The following DCLK1 variants were observed in gnomAD, a reference collection of about 807,000 sequenced individuals.
The protein encoded by DCLK1 is serine/threonine-protein kinase DCLK1.
DCLK1 carries 16 observed loss-of-function variants against 86.2 expected under a neutral mutation model. The ratio of observed to expected loss-of-function variants is 0.19; its 90% CI spans 0.13 to 0.28. DCLK1 has a LOEUF of 0.28. DCLK1 is among the 10% of genes least tolerant of loss of function. The pLI, the probability that DCLK1 is intolerant of heterozygous loss-of-function variation, is 1.00. For synonymous variants in DCLK1, 369 were observed against 370.5 expected, an observed-to-expected ratio of 1.00 and a Z score of 0.05; for missense variants, 590 against 940.2, an observed-to-expected ratio of 0.63 and a Z score of 4.87.
intron 4 of DCLK1, among the ~76,000 whole-genome samples, chr13:35,933,006 A>G (rs1369591770): frequency 6.6e-6 from 1 of 152,200 alleles, no homozygotes; most frequent in Non-Finnish European, 1.5e-5. Flanking sequence ...TCCTAGATAC[A>G]ATGGGGGTAC....
intron 4 of DCLK1, among the ~76,000 whole-genome samples, chr13:35,895,700 T>A (rs761895924): frequency 6.6e-6 from 1 of 151,978 alleles, no homozygotes; most frequent in Admixed American, 6.6e-5. Flanking sequence ...AAACTAACCA[T>A]TTTACAGTCA....
chr13:35,856,446 G>C (rs865934241), intron 5 of DCLK1, among the ~76,000 whole-genome samples: 1 of 152,152 alleles, frequency 6.6e-6, no homozygotes, highest in African/African-American at 2.4e-5. Context: ...TTACCCACCC[G>C]CATTCTACTG....
intron 14 of DCLK1, 60 bp from the exon 15 acceptor site, chr13:35,805,839 G>C: frequency 1.4e-6 from 2 of 1,460,744 alleles, no homozygotes; most frequent in Non-Finnish European, 1.9e-6. Flanking sequence ...CTGTATGTGT[G>C]CAAATGCAAG....
chr13:35,920,519 A>G (rs1875735295), intron 4 of DCLK1, among the ~76,000 whole-genome samples: 1 of 151,762 alleles, frequency 6.6e-6, no homozygotes, highest in African/African-American at 2.4e-5. Flanking sequence ...TGAAGCAGGA[A>G]TTGAAGGGAA....
At chr13:35,917,237 T>A (rs142764088) in intron 4 of DCLK1, among the ~76,000 whole-genome samples, 201 of 152,388 alleles carry the variant, frequency 1.3e-3, no homozygotes, top group African/African-American at 4.6e-3. Flanking sequence ...TAAATTTGTA[T>A]GTTTTTCTCT....
At position 35,944,775 on chromosome 13, in the gene DCLK1, GGTCCTTCAGAAGGCCAAACCACA is replaced by G. The variant is rs548656785; in HGVS notation, c.823+2560_823+2582del. ...AGTTCTCAGCTAAGTAGTTTGAAGT[GGTCCTTCAGAAGGCCAAACCACA>G]AAAGATGGAGAAGGTGTCCTGGGGT... On this transcript the variant is annotated intron_variant, in intron 4 of 16. Coordinates refer to ENST00000360631, the MANE Select transcript of DCLK1 (RefSeq NM_001330071.2). Among the ~76,000 whole-genome samples, 11 of 152,236 alleles carry G rather than the reference GGTCCTTCAGAAGGCCAAACCACA, an allele frequency of 7.2e-5. 1 individual carries two copies. In the South Asian group the frequency reaches 2.3e-3, roughly 32 times the overall value.
At position 36,121,067 on chromosome 13, in the gene DCLK1, C is replaced by CTGTCTGT. The variant is rs529428840; in HGVS notation, c.376+4694_376+4695insACAGACA. On this transcript the variant is annotated intron_variant, in intron 2 of 16. Transcript: ENST00000360631. ...TGGAAAACATCTATCCAAGGATAGT[C>CTGTCTGT]ATCACACAACTGTCTGTAATAACAA... 6.6e-5 allele frequency among the ~76,000 whole-genome samples: 10 copies of CTGTCTGT among 152,272 alleles called. No homozygotes were observed. In the South Asian group the frequency reaches 1.0e-3, roughly 16 times the overall value.
chr13:36,038,306 C>T (rs1882580201), intron 3 of DCLK1, among the ~76,000 whole-genome samples: 1 of 152,160 alleles, frequency 6.6e-6, no homozygotes, highest in Non-Finnish European at 1.5e-5. Flanking sequence ...TGTTTTAAGG[C>T]CCGGAGATGG....
chr13:35,919,761 G>A (rs948518297), intron 4 of DCLK1, among the ~76,000 whole-genome samples: 4 of 151,822 alleles, frequency 2.6e-5, no homozygotes, highest in Non-Finnish European at 5.9e-5. Context: ...AGGAGTTTGA[G>A]ATTAGCCTGG....
intron 3 of DCLK1, among the ~76,000 whole-genome samples, chr13:36,093,979 C>T (rs1418013722): frequency 6.6e-6 from 1 of 152,064 alleles, no homozygotes; most frequent in African/African-American, 2.4e-5. Context: ...GTATCAAACT[C>T]CTGGACTCCA....
intron 2 of DCLK1, among the ~76,000 whole-genome samples, chr13:36,125,462 T>G (rs888961919): frequency 2.6e-5 from 4 of 152,212 alleles, no homozygotes; most frequent in Non-Finnish European, 5.9e-5. Flanking sequence ...AACTATGAGA[T>G]TGAAGAGATA....
chr13:36,099,071 G>A (rs987676118), intron 3 of DCLK1, among the ~76,000 whole-genome samples: 6 of 151,770 alleles, frequency 4.0e-5, no homozygotes, highest in Admixed American at 1.3e-4. Context: ...GGGTTCAAGC[G>A]ATTCTCCTGC....
At chr13:35,891,177 T>C (rs1046657606) in intron 4 of DCLK1, among the ~76,000 whole-genome samples, 1 of 152,116 alleles carries the variant, frequency 6.6e-6, no homozygotes, top group East Asian at 1.9e-4. Flanking sequence ...GTCCTGAAAA[T>C]GACCAATAAG....
At chr13:35,855,613 G>C in intron 5 of DCLK1, 1 of 1,543,938 alleles carries the variant, frequency 6.5e-7, no homozygotes, top group Non-Finnish European at 8.8e-7. Context: ...AATGGGAATC[G>C]GTTGGATGAG....
chr13:36,071,778 T>C (rs565516132), intron 3 of DCLK1, among the ~76,000 whole-genome samples: 3 of 152,294 alleles, frequency 2.0e-5, no homozygotes, highest in East Asian at 3.9e-4. Context: ...TCCAGTTTGA[T>C]TGACATAAAG....
At chr13:35,789,758 A>T (rs140120131) in intron 16 of DCLK1, among the ~76,000 whole-genome samples, 1 of 152,350 alleles carries the variant, frequency 6.6e-6, no homozygotes, top group East Asian at 1.9e-4. Flanking sequence ...CATCAAGCTG[A>T]GCAAATCTAA....
At chr13:36,118,831 G>A (rs1885882127) in intron 2 of DCLK1, among the ~76,000 whole-genome samples, 1 of 152,162 alleles carries the variant, frequency 6.6e-6, no homozygotes, top group Non-Finnish European at 1.5e-5. Context: ...CCAAGATCAA[G>A]ACACCAGCAG....
chr13:36,062,962 GGTCTTT>G (rs1883612765), intron 3 of DCLK1, among the ~76,000 whole-genome samples: 1 of 152,132 alleles, frequency 6.6e-6, no homozygotes, highest in Non-Finnish European at 1.5e-5. Context: ...CATAATGCAA[GGTCTTT>G]GTGTATTTGT....
chr13:35,871,405 G>T, intron 4 of DCLK1, 65 bp from the exon 5 acceptor site: 1 of 1,290,720 alleles, frequency 7.7e-7, no homozygotes, highest in Non-Finnish European at 1.1e-6. Context: ...AACTCAAAAT[G>T]CACAATAAAC....
Sources: allele counts gnomAD v4.1 joint callset (sites outside exome capture counted in the v4.1 genomes callset), GRCh38; gene constraint gnomAD v4.1.1; transcripts MANE v1.5; gene names NCBI Gene and HGNC (gene_info 2026-07-23, HGNC 2026-07-21).